MEF2C: variants seen among roughly 807,000 people sequenced by gnomAD.
MEF2C encodes the protein myocyte-specific enhancer factor 2C.
A neutral mutation model predicts 50.5 loss-of-function variants in MEF2C; 6 were observed. The observed-to-expected ratio is 0.12, with a 90% CI of 0.07 to 0.23. The LOEUF (loss-of-function observed/expected upper bound fraction) is 0.23, where lower values mean the gene tolerates loss of function less well. Among genes scored for constraint, MEF2C ranks in the 10% least tolerant of loss-of-function variants. The pLI is 1.00. For synonymous variants in MEF2C, 183 were observed against 228.0 expected, an observed-to-expected ratio of 0.80 and a Z score of 1.78; for missense variants, 276 against 605.0, an observed-to-expected ratio of 0.46 and a Z score of 5.70.
In MEF2C at chr5:88,823,613, T is replaced by G. The variant is rs1250486754; in HGVS notation, c.54+122A>C. The stretch of plus-strand genomic sequence containing the variant: ...CTATCAGCACTTTAACTGGTCACAT[T>G]TAATTAACCCAAACTTCTCTTAATA... On this transcript the variant is annotated intron_variant, in intron 2 of 10. Transcript: ENST00000504921. 3.3e-6 allele frequency: 3 copies of G among 919,510 alleles called. No individual in the cohort carries two copies. In the African/African-American group the frequency reaches 5.1e-5, roughly 16 times the overall value. 57.0% of individuals were successfully genotyped at this position (919,510 alleles called of 1,614,324 possible). A position where few individuals can be genotyped will look rare whatever the true frequency, so the allele number is the denominator to read the frequency against.
intron 6 of MEF2C, chr5:88,733,065 C>A (rs1762365383): frequency 1.0e-6 from 1 of 984,750 alleles, no homozygotes; most frequent in Non-Finnish European, 1.2e-6. Flanking sequence ...ACATAAAGAC[C>A]AATACAAGGC....
chr5:88,768,413 C>A (rs1218834823), intron 3 of MEF2C, among the ~76,000 whole-genome samples: 1 of 152,220 alleles, frequency 6.6e-6, no homozygotes, highest in African/African-American at 2.4e-5. Flanking sequence ...GGGTCCAGAC[C>A]CCTTGATACA....
chr5:88,848,790 T>C (rs551758414), intron 1 of MEF2C, among the ~76,000 whole-genome samples: 1 of 152,328 alleles, frequency 6.6e-6, no homozygotes. Flanking sequence ...ACGGGTGATG[T>C]AGAAGTAAGT....
intron 3 of MEF2C, among the ~76,000 whole-genome samples, chr5:88,770,558 C>A (rs530849212): frequency 2.0e-5 from 3 of 152,214 alleles, no homozygotes; most frequent in Non-Finnish European, 4.4e-5. Flanking sequence ...ATTTCTTTTC[C>A]CATTTATTTT....
At position 88,719,559 on chromosome 5, in the gene MEF2C, G is replaced by A. The variant is rs886060855; in HGVS notation, c.*3045C>T. ...GTTGCCTAAAATGTTACTCTAGGACGGGTTATGTAAAATAATACTCCCTCA... is the reference window on the plus strand; with the variant it reads ...GTTGCCTAAAATGTTACTCTAGGACAGGTTATGTAAAATAATACTCCCTCA... On this transcript the variant is annotated 3_prime_UTR_variant, in exon 11 of 11. Coordinates refer to ENST00000504921, the MANE Select transcript of MEF2C (RefSeq NM_002397.5). 1 of 152,154 alleles carries A rather than the reference G, an allele frequency of 6.6e-6. No individual in the cohort carries two copies. The highest frequency in any genetic ancestry group is 1.5e-5 in the Non-Finnish European group (1 of 68,018). 9.4% of individuals were successfully genotyped at this position (152,154 alleles called of 1,614,324 possible). A position where few individuals can be genotyped will look rare whatever the true frequency, so the allele number is the denominator to read the frequency against.
At chr5:88,802,792 C>A (rs1798907266) in intron 3 of MEF2C, among the ~76,000 whole-genome samples, 1 of 152,154 alleles carries the variant, frequency 6.6e-6, no homozygotes. Flanking sequence ...ATAATATATT[C>A]CTAAGAAAAA....
At position 88,740,417 on chromosome 5, in the gene MEF2C, T is replaced by C. The variant is rs551381462; in HGVS notation, c.638-8516A>G. 1.3e-5 allele frequency: 13 copies of C among 985,288 alleles called. No homozygotes were observed. In the African/African-American group the frequency reaches 2.1e-4, roughly 16 times the overall value. The allele number at this position is 985,288 out of a possible 1,614,324, so 61.0% of individuals were successfully genotyped here. A position where few individuals can be genotyped will look rare whatever the true frequency, so the allele number is the denominator to read the frequency against. On this transcript the variant is annotated intron_variant, in intron 6 of 10. Transcript: ENST00000504921. ...TGAGAGTCCATCAAGTAGGTTTGTG[T>C]TGGCGAACATTTTCTCATTTGTCCT...
intron 3 of MEF2C, among the ~76,000 whole-genome samples, chr5:88,786,813 T>C (rs1332422225): frequency 6.6e-6 from 1 of 152,236 alleles, no homozygotes; most frequent in East Asian, 1.9e-4. Flanking sequence ...ATCAAATTAT[T>C]CTACTTATTC....
At chr5:88,862,571 C>T in intron 1 of MEF2C, among the ~76,000 whole-genome samples, 1 of 151,926 alleles carries the variant, frequency 6.6e-6, no homozygotes, top group East Asian at 1.9e-4. Flanking sequence ...GAGAAATAAC[C>T]TTTAAAGTTT....
intron 1 of MEF2C, among the ~76,000 whole-genome samples, chr5:88,859,612 A>G (rs987721984): frequency 6.6e-6 from 1 of 152,258 alleles, no homozygotes; most frequent in Non-Finnish European, 1.5e-5. Context: ...ACAGAATGTT[A>G]TATAACTGCT....
At chr5:88,776,913 C>T (rs1057007337) in intron 3 of MEF2C, among the ~76,000 whole-genome samples, 1 of 152,206 alleles carries the variant, frequency 6.6e-6, no homozygotes, top group Non-Finnish European at 1.5e-5. Context: ...GTGCATGCTG[C>T]CAGCCCCACG....
intron 1 of MEF2C, among the ~76,000 whole-genome samples, chr5:88,880,046 C>T (rs1021266324): frequency 3.3e-5 from 5 of 151,962 alleles, no homozygotes; most frequent in Non-Finnish European, 7.4e-5. Flanking sequence ...GAGTGCAAGA[C>T]AGTCCACGCG....
At chr5:88,869,280 T>TATAC (rs1828581781) in intron 1 of MEF2C, among the ~76,000 whole-genome samples, 2 of 73,946 alleles carry the variant, frequency 2.7e-5, no homozygotes, top group African/African-American at 8.1e-5. Context: ...TATATATACA[T>TATAC]ATATATATAT....
intron 1 of MEF2C, among the ~76,000 whole-genome samples, chr5:88,829,646 C>A (rs568619986): frequency 1.3e-5 from 2 of 152,024 alleles, no homozygotes; most frequent in Non-Finnish European, 2.9e-5. Flanking sequence ...AGATTGATAA[C>A]CTCACTTAAT....
rs1756598136 is a variant in MEF2C, at chr5:88,722,294, A to C, written c.*310T>G. ...TACATGTAAATAACGTTGAACCTGCAACATGACACTATCTATTGTAACATA... is the reference window on the plus strand; with the variant it reads ...TACATGTAAATAACGTTGAACCTGCCACATGACACTATCTATTGTAACATA... On this transcript the variant is annotated 3_prime_UTR_variant, in exon 11 of 11. Transcript: ENST00000504921. The C allele has an allele frequency of 3.9e-6, 1 of 256,416 alleles. No individual in the cohort carries two copies. The highest frequency in any genetic ancestry group is 2.2e-5 in the African/African-American group (1 of 45,196). 15.9% of individuals were successfully genotyped at this position (256,416 alleles called of 1,614,324 possible). A position where few individuals can be genotyped will look rare whatever the true frequency, so the allele number is the denominator to read the frequency against.
intron 1 of MEF2C, among the ~76,000 whole-genome samples, chr5:88,890,048 A>G (rs1834370934): frequency 6.6e-6 from 1 of 152,116 alleles, no homozygotes; most frequent in African/African-American, 2.4e-5. Context: ...GGAGTTTTTC[A>G]CCTGACAGAC....
At chr5:88,757,139 T>C (rs1411410856) in intron 4 of MEF2C, among the ~76,000 whole-genome samples, 1 of 152,210 alleles carries the variant, frequency 6.6e-6, no homozygotes, top group Non-Finnish European at 1.5e-5. Context: ...ACTTTTAGTT[T>C]CTATCCCTGA....
chr5:88,728,463 A>G, intron 10 of MEF2C, 30 bp downstream of exon 10: 1 of 1,385,394 alleles, frequency 7.2e-7, no homozygotes, highest in African/African-American at 1.5e-5. Flanking sequence ...TACATTCTAA[A>G]ATTATATTAT....
Position 88,728,473 on chromosome 5 carries a change from T to TA in MEF2C, c.1100+19dup. ...CAAAATACATTCTAAAATTATATTA[T>TA]AAAAAATAATATTGCTTACCCCAAC... On this transcript the variant is annotated intron_variant, in intron 10 of 10. Transcript: ENST00000504921. 1 of 1,409,268 alleles carries TA rather than the reference T, an allele frequency of 7.1e-7. No individual in the cohort carries two copies. Among genetic ancestry groups the TA allele is most frequent in the Non-Finnish European group, 9.3e-7 (1 of 1,074,030 alleles). 87.3% of individuals were successfully genotyped at this position (1,409,268 alleles called of 1,614,324 possible).
Sources: gnomAD v4.1 joint callset for allele counts (sites outside exome capture counted in the v4.1 genomes callset) on GRCh38, gnomAD v4.1.1 for gene constraint, MANE v1.5 for transcripts, NCBI Gene and HGNC (gene_info 2026-07-23, HGNC 2026-07-21) for gene names.